SUGCT: variants seen among roughly 807,000 people sequenced by gnomAD.
SUGCT encodes succinyl-CoA:glutarate CoA-transferase.
In SUGCT, 41 loss-of-function variants were observed where a neutral mutation model predicts 55.0. That is an observed-to-expected ratio of 0.74 (90% confidence interval 0.58 to 0.97). SUGCT has a LOEUF of 0.97. SUGCT is among the 50% of genes least tolerant of loss of function. The pLI, the probability that SUGCT is intolerant of heterozygous loss-of-function variation, is 0.00. For missense variants in SUGCT, 568 were observed against 547.8 expected, an observed-to-expected ratio of 1.04 and a Z score of -0.37; for synonymous variants, 187 against 200.4, an observed-to-expected ratio of 0.93 and a Z score of 0.56.
chr7:40,315,939 G>A (rs558512385), intron 8 of SUGCT, among the ~76,000 whole-genome samples: 1 of 152,160 alleles, frequency 6.6e-6, no homozygotes, highest in Non-Finnish European at 1.5e-5. Context: ...AGATCACCAG[G>A]AATCAATTCA....
intron 12 of SUGCT, among the ~76,000 whole-genome samples, chr7:40,588,148 C>A (rs369138010): frequency 2.6e-5 from 4 of 151,936 alleles, no homozygotes; most frequent in African/African-American, 9.7e-5. Context: ...GTGATCTGCC[C>A]GCCTCGGCCT....
chr7:40,903,286 A>C, the SUGCT span, among the ~76,000 whole-genome samples: 1 of 152,192 alleles, frequency 6.6e-6, no homozygotes. Flanking sequence ...GGCTCCAGGC[A>C]GAACAGGTAT....
At chr7:40,311,843 C>A (rs1234829876) in intron 8 of SUGCT, among the ~76,000 whole-genome samples, 1 of 152,134 alleles carries the variant, frequency 6.6e-6, no homozygotes. Flanking sequence ...TTACCATTTT[C>A]ATTCATTTGT....
At chr7:40,549,215 T>G (rs987991105) in intron 12 of SUGCT, among the ~76,000 whole-genome samples, 1 of 152,228 alleles carries the variant, frequency 6.6e-6, no homozygotes, top group African/African-American at 2.4e-5. Context: ...GAGGCTTCAT[T>G]ATGTTTCTGC....
the SUGCT span, among the ~76,000 whole-genome samples, chr7:40,998,795 G>C: frequency 6.6e-6 from 1 of 152,210 alleles, no homozygotes; most frequent in African/African-American, 2.4e-5. Context: ...GCCAAAGCAA[G>C]TTCCTTTTCA....
the SUGCT span, among the ~76,000 whole-genome samples, chr7:40,998,866 T>C: frequency 6.6e-6 from 1 of 152,234 alleles, no homozygotes; most frequent in Non-Finnish European, 1.5e-5. Context: ...GAGAATAGCT[T>C]CCAGTGATTC....
chr7:40,561,892 A>G (rs1163266393), intron 12 of SUGCT, among the ~76,000 whole-genome samples: 2 of 148,766 alleles, frequency 1.3e-5, no homozygotes, highest in African/African-American at 4.9e-5. Context: ...GGGTTTCACC[A>G]TGTTGGTCAG....
intron 6 of SUGCT, among the ~76,000 whole-genome samples, chr7:40,216,863 A>G (rs965828566): frequency 3.9e-5 from 6 of 152,066 alleles, no homozygotes; most frequent in Non-Finnish European, 8.8e-5. Flanking sequence ...CTCGAAAAAA[A>G]AAAAAAGAAA....
the SUGCT span, among the ~76,000 whole-genome samples, chr7:40,903,374 G>A: frequency 2.6e-5 from 4 of 152,108 alleles, no homozygotes; most frequent in African/African-American, 9.7e-5. Flanking sequence ...AAGTAAATGG[G>A]GACAGAGTTC....
At chr7:40,626,368 TGCTTC>T (rs1799528108) in intron 12 of SUGCT, among the ~76,000 whole-genome samples, 1 of 151,936 alleles carries the variant, frequency 6.6e-6, no homozygotes, top group African/African-American at 2.4e-5. Context: ...GCGATTCTCC[TGCTTC>T]AGCCTCCTGA....
chr7:40,745,577 T>G (rs1021024910), intron 12 of SUGCT, among the ~76,000 whole-genome samples: 2 of 152,176 alleles, frequency 1.3e-5, no homozygotes, highest in African/African-American at 2.4e-5. Flanking sequence ...CCTGATACTT[T>G]GCTAAAGAGG....
chr7:40,145,405 T>G (rs547471189), intron 1 of SUGCT, among the ~76,000 whole-genome samples: 1 of 152,310 alleles, frequency 6.6e-6, no homozygotes, highest in African/African-American at 2.4e-5. Flanking sequence ...ATGCCTCAGC[T>G]TTCTCACTTG....
intron 11 of SUGCT, among the ~76,000 whole-genome samples, chr7:40,472,128 GA>G (rs932643071): frequency 6.6e-6 from 1 of 152,062 alleles, no homozygotes; most frequent in Admixed American, 6.6e-5. Context: ...TAGGCATATA[GA>G]GCCTTAAAGT....
chr7:40,554,846 A>T (rs371639949), intron 12 of SUGCT, among the ~76,000 whole-genome samples: 2 of 152,060 alleles, frequency 1.3e-5, no homozygotes, highest in Admixed American at 6.6e-5. Context: ...CTAAAGCATG[A>T]CTTCTGTTTA....
intron 13 of SUGCT, among the ~76,000 whole-genome samples, chr7:40,791,933 G>C (rs1386650389): frequency 6.6e-6 from 1 of 151,962 alleles, no homozygotes; most frequent in Non-Finnish European, 1.5e-5. Context: ...TCCCTCTTTT[G>C]TTGGTCTAGC....
chr7:40,308,918 A>G (rs572893790), intron 8 of SUGCT, among the ~76,000 whole-genome samples: 8 of 152,264 alleles, frequency 5.3e-5, no homozygotes, highest in African/African-American at 1.9e-4. Context: ...GCTGAGTCAG[A>G]AGAATTGCTT....
chr7:40,983,523 G>C, the SUGCT span, among the ~76,000 whole-genome samples: 1 of 152,128 alleles, frequency 6.6e-6, no homozygotes, highest in Non-Finnish European at 1.5e-5. Flanking sequence ...TTTTGTAACT[G>C]GTGCTCACTT....
At chr7:40,828,056 C>G (rs988024401) in intron 13 of SUGCT, among the ~76,000 whole-genome samples, 1 of 152,190 alleles carries the variant, frequency 6.6e-6, no homozygotes, top group African/African-American at 2.4e-5. Flanking sequence ...ACCTGCATTT[C>G]TTTAGAGCTT....
chr7:40,723,692 T>C (rs2128687823), intron 12 of SUGCT, among the ~76,000 whole-genome samples: 1 of 152,338 alleles, frequency 6.6e-6, no homozygotes, highest in South Asian at 2.1e-4. Flanking sequence ...TTTTTAAGAC[T>C]TTTTGGTGAA....
Sources: gnomAD v4.1 joint callset for allele counts (sites outside exome capture counted in the v4.1 genomes callset) on GRCh38, gnomAD v4.1.1 for gene constraint, MANE v1.5 for transcripts, NCBI Gene and HGNC (gene_info 2026-07-23, HGNC 2026-07-21) for gene names.